Variants in GPC6 observed in about 807,000 individuals in gnomAD.
GPC6 encodes the protein glypican 6.
GPC6 carries 14 observed loss-of-function variants against 55.2 expected under a neutral mutation model. The ratio of observed to expected loss-of-function variants is 0.25; its 90% CI spans 0.17 to 0.40. GPC6 has a LOEUF of 0.40. Ranked by LOEUF, GPC6 falls within the 10% of genes least tolerant of loss-of-function variation. GPC6 has a pLI of 1.00. For missense variants in GPC6, 641 were observed against 708.5 expected, an observed-to-expected ratio of 0.90 and a Z score of 1.08; for synonymous variants, 278 against 259.6, an observed-to-expected ratio of 1.07 and a Z score of -0.68.
chr13:93,482,878 A>G (rs916387538), intron 1 of GPC6, among the ~76,000 whole-genome samples: 3 of 152,130 alleles, frequency 2.0e-5, no homozygotes, highest in Non-Finnish European at 2.9e-5. Context: ...TTCTAAATCT[A>G]TTTAAGATGT....
intron 1 of GPC6, among the ~76,000 whole-genome samples, chr13:93,325,121 C>A (rs920584289): frequency 1.3e-5 from 2 of 152,066 alleles, no homozygotes; most frequent in Admixed American, 1.3e-4. Flanking sequence ...TGCTTAGGAA[C>A]ATGCTAGACA....
At chr13:93,475,159 TACACACACACAC>T (rs35324469) in intron 1 of GPC6, among the ~76,000 whole-genome samples, 1 of 149,526 alleles carries the variant, frequency 6.7e-6, no homozygotes, top group East Asian at 2.0e-4. Context: ...AATAAATAAA[TACACACACACAC>T]ACACACACAA....
chr13:94,193,649 T>C (rs529200302), intron 4 of GPC6, among the ~76,000 whole-genome samples: 2 of 152,210 alleles, frequency 1.3e-5, no homozygotes, highest in South Asian at 4.1e-4. Flanking sequence ...ATAGGAGAAA[T>C]GCCCGTGTGC....
chr13:94,085,521 C>T (rs557510125), intron 4 of GPC6, among the ~76,000 whole-genome samples: 1 of 152,216 alleles, frequency 6.6e-6, no homozygotes, highest in East Asian at 1.9e-4. Context: ...TAGGAGACTA[C>T]CTGCAGCAGC....
intron 4 of GPC6, among the ~76,000 whole-genome samples, chr13:94,260,527 CTCT>C (rs951481087): frequency 3.3e-5 from 5 of 152,180 alleles, no homozygotes; most frequent in African/African-American, 2.4e-5. Context: ...GCATCCTAAT[CTCT>C]TCTTCTTATA....
intron 7 of GPC6, among the ~76,000 whole-genome samples, chr13:94,393,401 G>A (rs183410392): frequency 6.6e-6 from 1 of 152,076 alleles, no homozygotes; most frequent in Non-Finnish European, 1.5e-5. Flanking sequence ...GGAAAAAATG[G>A]GGGGTCTTGA....
chr13:93,399,603 T>C (rs112227316), intron 1 of GPC6, among the ~76,000 whole-genome samples: 1,630 of 152,284 alleles, frequency 0.011, 30 homozygotes, highest in African/African-American at 0.037. Context: ...GAAATGTGAG[T>C]GTGACTCATG....
chr13:93,972,706 G>C (rs141788580), intron 3 of GPC6, among the ~76,000 whole-genome samples: 86 of 152,276 alleles, frequency 5.6e-4, no homozygotes, highest in African/African-American at 1.9e-3. Flanking sequence ...TTCCTTCTAA[G>C]TTAGAGAATG....
intron 1 of GPC6, among the ~76,000 whole-genome samples, chr13:93,393,288 A>G (rs2813596): frequency 0.52 from 78,463 of 151,022 alleles, 22,436 homozygotes; most frequent in Non-Finnish European, 0.66. Context: ...ACACGCGCCC[A>G]CCACCACACC....
chr13:94,034,883 G>C (rs1244263924), intron 4 of GPC6, among the ~76,000 whole-genome samples: 1 of 150,936 alleles, frequency 6.6e-6, no homozygotes, highest in Admixed American at 6.6e-5. Context: ...AATATTTCAT[G>C]TATAATAGGA....
intron 4 of GPC6, among the ~76,000 whole-genome samples, chr13:94,257,769 A>G (rs529259203): frequency 1.3e-5 from 2 of 152,184 alleles, no homozygotes; most frequent in Non-Finnish European, 2.9e-5. Context: ...TTATTGTAAT[A>G]CTGCAACCGC....
chr13:93,982,805 G>A (rs1281452730), intron 3 of GPC6, among the ~76,000 whole-genome samples: 1 of 152,164 alleles, frequency 6.6e-6, no homozygotes, highest in East Asian at 1.9e-4. Context: ...AGTTGGGTTT[G>A]TACAAAGACA....
rs4142598 is a variant in GPC6 at position 93,283,422 on chromosome 13, C to G, written c.160+55806C>G. On this transcript the variant is annotated intron_variant, in intron 1 of 8. Coordinates refer to ENST00000377047, the MANE Select transcript of GPC6 (RefSeq NM_005708.5). ...GAGTTCATCTGGGCTTGAGCTACTA[C>G]GGGCTGCTATCAGTAATTCATTAGG... is the stretch of plus-strand genomic sequence containing the variant. Among the ~76,000 whole-genome samples, 405 of 152,098 alleles carry G rather than the reference C, an allele frequency of 2.7e-3. 3 individuals are homozygous for G. Among genetic ancestry groups the G allele is most frequent in the African/African-American group, 9.2e-3 (382 of 41,498 alleles).
At chr13:93,285,636 G>GTGTGTGTGTA (rs1555287691) in intron 1 of GPC6, among the ~76,000 whole-genome samples, 382 of 149,114 alleles carry the variant, frequency 2.6e-3, no homozygotes, top group East Asian at 4.4e-3. Context: ...GTGTGTGTGT[G>GTGTGTGTGTA]TGTGTGTGTG....
chr13:93,440,533 G>T (rs932387684), intron 1 of GPC6, among the ~76,000 whole-genome samples: 11 of 152,170 alleles, frequency 7.2e-5, no homozygotes, highest in African/African-American at 2.7e-4. Flanking sequence ...GCACCTGCTA[G>T]GTATTAGGAA....
At chr13:93,391,877 A>G (rs1222348084) in intron 1 of GPC6, among the ~76,000 whole-genome samples, 1 of 152,038 alleles carries the variant, frequency 6.6e-6, no homozygotes, top group African/African-American at 2.4e-5. Context: ...ATGGACCCTC[A>G]TAGTGTTTTG....
rs1050940713 is a variant in GPC6 at position 93,489,717 on chromosome 13, T to A, written c.161-55546T>A. Among the ~76,000 whole-genome samples, 638 of 151,666 alleles carry A rather than the reference T, an allele frequency of 4.2e-3. 3 individuals carry two copies. Among genetic ancestry groups the A allele is most frequent in the Non-Finnish European group, 6.7e-3 (459 of 68,006 alleles). ...TTGTAAGTTGGATTCCTAGGTATTT[T>A]ATTCTCTTTGAAGCAATTGTGAATG... On this transcript the variant is annotated intron_variant, in intron 1 of 8. Coordinates refer to ENST00000377047, the MANE Select transcript of GPC6 (RefSeq NM_005708.5).
rs759771080 is a variant in GPC6 at position 93,830,197 on chromosome 13, T to C, written c.363T>C (p.Asn121=). The C allele has an allele frequency of 6.2e-7, 1 of 1,606,822 alleles. No individual in the cohort carries two copies. Among genetic ancestry groups the C allele is most frequent in the Non-Finnish European group, 8.5e-7 (1 of 1,175,758 alleles). Residue 121 remains asparagine, a synonymous_variant, in exon 3 of 9, where the codon AAT becomes AAC. Coordinates refer to ENST00000377047, the MANE Select transcript of GPC6 (RefSeq NM_005708.5). ...TGGAGAATGCAGAAAAGTCACTAAATGATATGTTTGTACGGACCTATGGCA... is the reference window on the plus strand; with the variant it reads ...TGGAGAATGCAGAAAAGTCACTAAACGATATGTTTGTACGGACCTATGGCA... The part of the protein sequence containing the change: ...ELLENAEKSL[N]DMFVRTYGML...
rs552266003 is a variant in GPC6, at chr13:93,533,149, T to C, written c.161-12114T>C. Among the ~76,000 whole-genome samples the C allele has an allele frequency of 3.9e-5, 6 of 152,272 alleles. No homozygotes were observed. The South Asian group carries it at 1.2e-3, about 32-fold the overall frequency. On this transcript the variant is annotated intron_variant, in intron 1 of 8. Transcript: ENST00000377047. Reference sequence around the variant, plus strand: ...TGAAAAATGTTGAAAAGTGCTTATTTGGAGGTTTAGGGTATTTGAACTTAA... The same window carrying C: ...TGAAAAATGTTGAAAAGTGCTTATTCGGAGGTTTAGGGTATTTGAACTTAA...
Sources: allele counts gnomAD v4.1 joint callset (sites outside exome capture counted in the v4.1 genomes callset), GRCh38; gene constraint gnomAD v4.1.1; transcripts MANE v1.5; gene names NCBI Gene and HGNC (gene_info 2026-07-23, HGNC 2026-07-21).